Variants in TRAPPC9 observed in about 807,000 individuals in gnomAD.
TRAPPC9 encodes IKK2 binding protein.
A neutral mutation model predicts 124.0 loss-of-function variants in TRAPPC9; 83 were observed. That is an observed-to-expected ratio of 0.67 (90% CI 0.56 to 0.80). The LOEUF (loss-of-function observed/expected upper bound fraction) is 0.80, where lower values mean the gene tolerates loss of function less well. Ranked by LOEUF, TRAPPC9 falls within the 30% of genes least tolerant of loss-of-function variation. The pLI, the probability that TRAPPC9 is intolerant of heterozygous loss-of-function variation, is 0.00. For synonymous variants in TRAPPC9, 638 were observed against 617.5 expected (o/e 1.03, Z -0.49); for missense variants, 1,302 against 1,508.3 (o/e 0.86, Z 2.27).
At chr8:140,373,525 T>C (rs1215434121) in intron 7 of TRAPPC9, among the ~76,000 whole-genome samples, 1 of 152,206 alleles carries the variant, frequency 6.6e-6, no homozygotes, top group Non-Finnish European at 1.5e-5. Context: ...TAATGTCCTT[T>C]CTCTGTGTCT....
At chr8:139,926,825 A>C (rs1225012382) in intron 19 of TRAPPC9, among the ~76,000 whole-genome samples, 1 of 152,186 alleles carries the variant, frequency 6.6e-6, no homozygotes, top group Admixed American at 6.5e-5. Context: ...ACAAAAGAAA[A>C]TATTGAGAAA....
At chr8:139,902,299 G>T (rs1368848224) in intron 20 of TRAPPC9, among the ~76,000 whole-genome samples, 1 of 152,194 alleles carries the variant, frequency 6.6e-6, no homozygotes, top group Admixed American at 6.5e-5. Flanking sequence ...TTTGGATTTG[G>T]GGGAGGCAGC....
At chr8:140,328,085 T>C (rs1179057680) in intron 9 of TRAPPC9, among the ~76,000 whole-genome samples, 1 of 152,070 alleles carries the variant, frequency 6.6e-6, no homozygotes, top group East Asian at 1.9e-4. Context: ...TGAAACCCCA[T>C]CTCTACTAAA....
chr8:140,018,936 T>TG (rs1839654069), intron 18 of TRAPPC9, among the ~76,000 whole-genome samples: 1 of 152,202 alleles, frequency 6.6e-6, no homozygotes, highest in African/African-American at 2.4e-5. Flanking sequence ...ACATTAACTG[T>TG]GGGGTTTCTT....
intron 7 of TRAPPC9, among the ~76,000 whole-genome samples, chr8:140,371,679 G>A (rs1389206078): frequency 6.6e-6 from 1 of 152,098 alleles, no homozygotes; most frequent in Non-Finnish European, 1.5e-5. Context: ...CAACAACCCT[G>A]TAGTGTAGCA....
intron 19 of TRAPPC9, among the ~76,000 whole-genome samples, chr8:139,913,205 A>G (rs1350962301): frequency 6.6e-6 from 1 of 152,190 alleles, no homozygotes; most frequent in Admixed American, 6.5e-5. Flanking sequence ...CCTTAACAAA[A>G]CTGTAGCTAA....
At chr8:139,737,849 C>A (rs965557927) in intron 21 of TRAPPC9, among the ~76,000 whole-genome samples, 2 of 152,220 alleles carry the variant, frequency 1.3e-5, no homozygotes, top group Non-Finnish European at 2.9e-5. Context: ...ACCACCATGG[C>A]TCCCAACCTT....
chr8:139,743,452 G>A (rs1387170475), intron 21 of TRAPPC9, among the ~76,000 whole-genome samples: 1 of 152,234 alleles, frequency 6.6e-6, no homozygotes, highest in Non-Finnish European at 1.5e-5. Context: ...AACAAAGTGA[G>A]TCAAGTTTTT....
chr8:140,012,693 A>G (rs1202772755), intron 18 of TRAPPC9, among the ~76,000 whole-genome samples: 3 of 152,144 alleles, frequency 2.0e-5, no homozygotes, highest in African/African-American at 7.2e-5. Flanking sequence ...TGCAGCCACG[A>G]ACAACACCAA....
At chr8:140,425,708 A>T (rs751632643) in intron 5 of TRAPPC9, among the ~76,000 whole-genome samples, 1 of 151,874 alleles carries the variant, frequency 6.6e-6, no homozygotes, top group Non-Finnish European at 1.5e-5. Context: ...TTCAACATCC[A>T]TTTCATTTGT....
chr8:140,102,899 C>T (rs7828356), intron 17 of TRAPPC9, among the ~76,000 whole-genome samples: 1 of 152,080 alleles, frequency 6.6e-6, no homozygotes, highest in Non-Finnish European at 1.5e-5. Flanking sequence ...CTCAACCCCC[C>T]ACATGCCTGT....
At chr8:140,025,932 T>C (rs967850987) in intron 17 of TRAPPC9, among the ~76,000 whole-genome samples, 2 of 152,200 alleles carry the variant, frequency 1.3e-5, no homozygotes, top group South Asian at 2.1e-4. Context: ...ACCATCTCCA[T>C]CATCCATTTC....
intron 17 of TRAPPC9, among the ~76,000 whole-genome samples, chr8:140,072,496 C>A (rs185713171): frequency 6.8e-6 from 1 of 146,684 alleles, no homozygotes; most frequent in African/African-American, 2.6e-5. Context: ...CCAGTCTGGG[C>A]GACAGAGCGA....
rs1209086748 is a variant in TRAPPC9, at chr8:139,742,800, T to G, written c.3056-10598A>C. On this transcript the variant is annotated intron_variant, in intron 21 of 22. Transcript: ENST00000438773. The surrounding 1 kb of genome is among the most constrained non-coding windows in gnomAD (Gnocchi z 4.7). ...CTCCTGGCACCCAGGAAACATTCAC[T>G]GAAATGCTGCATCTGTGGGAGAAGA... Among the ~76,000 whole-genome samples, 1 of 152,192 alleles carries G rather than the reference T, an allele frequency of 6.6e-6. No individual in the cohort carries two copies. The highest frequency in any genetic ancestry group is 2.4e-5 in the African/African-American group (1 of 41,450).
At chr8:139,864,715 G>A (rs375065493) in intron 21 of TRAPPC9, among the ~76,000 whole-genome samples, 2 of 152,192 alleles carry the variant, frequency 1.3e-5, no homozygotes, top group African/African-American at 2.4e-5. Flanking sequence ...CTGCAGGGCT[G>A]TGGGCACTAC....
chr8:140,295,048 C>G (rs2065768332), intron 11 of TRAPPC9, among the ~76,000 whole-genome samples: 1 of 152,060 alleles, frequency 6.6e-6, no homozygotes, highest in Non-Finnish European at 1.5e-5. Context: ...CTCTGAAACC[C>G]CCTCATCTCA....
chr8:140,304,476 A>G (rs2066069254), intron 10 of TRAPPC9, among the ~76,000 whole-genome samples: 1 of 152,152 alleles, frequency 6.6e-6, no homozygotes, highest in Non-Finnish European at 1.5e-5. Context: ...ATATGAAGAC[A>G]GTCCCGGATT....
intron 9 of TRAPPC9, among the ~76,000 whole-genome samples, chr8:140,315,159 G>A (rs745570501): frequency 3.3e-5 from 5 of 151,036 alleles, no homozygotes; most frequent in Non-Finnish European, 5.9e-5. Flanking sequence ...CTCTCATAGC[G>A]GTTTTCATTT....
intron 19 of TRAPPC9, among the ~76,000 whole-genome samples, chr8:139,980,980 A>G (rs925360485): frequency 6.6e-6 from 1 of 152,224 alleles, no homozygotes; most frequent in Non-Finnish European, 1.5e-5. Flanking sequence ...AAGCCAATCA[A>G]GTCATCCTAT....
Sources: gnomAD v4.1 joint callset for allele counts (sites outside exome capture counted in the v4.1 genomes callset) on GRCh38, gnomAD v4.1.1 for gene constraint, Gnocchi (gnomAD v3.1) non-coding constraint, MANE v1.5 for transcripts, NCBI Gene and HGNC (gene_info 2026-07-23, HGNC 2026-07-21) for gene names.